LRMDA: variants seen among roughly 807,000 people sequenced by gnomAD.
LRMDA encodes leucine-rich melanocyte differentiation-associated protein.
A neutral mutation model predicts 29.8 loss-of-function variants in LRMDA; 18 were observed. The ratio of observed to expected loss-of-function variants is 0.60; its 90% CI spans 0.42 to 0.90. The LOEUF (loss-of-function observed/expected upper bound fraction) is 0.90, where lower values mean the gene tolerates loss of function less well. Among genes scored for constraint, LRMDA ranks in the 40% least tolerant of loss-of-function variants. LRMDA has a pLI of 0.00. For synonymous variants in LRMDA, 125 were observed against 109.4 expected (o/e 1.14, Z -0.89); for missense variants, 273 against 273.9 (o/e 1.00, Z 0.02).
In LRMDA at chr10:76,201,111, A is replaced by T. The variant is rs11001682; in HGVS notation, c.517-123290A>T. On this transcript the variant is annotated intron_variant, in intron 5 of 6. Transcript: ENST00000611255. The stretch of plus-strand genomic sequence containing the variant: ...TTTATTTATTTATTTATTTATTTAT[A>T]TTTAGACGGAGTTTCGCTCTTGCTG... Among the ~76,000 whole-genome samples, 82 of 68,708 alleles carry T rather than the reference A, an allele frequency of 1.2e-3. 3 individuals are homozygous for T. Among genetic ancestry groups the T allele is most frequent in the African/African-American group, 6.2e-3 (43 of 6,984 alleles). The allele number at this position is 68,708 out of a possible 152,430, so 45.1% of individuals were successfully genotyped here.
chr10:75,621,228 ACACACC>A (rs1564524645), intron 2 of LRMDA, among the ~76,000 whole-genome samples: 30 of 134,282 alleles, frequency 2.2e-4, no homozygotes, highest in African/African-American at 8.0e-4. Context: ...ACACACACCC[ACACACC>A]CACACACACA....
At chr10:76,154,613 TA>T (rs1270004057) in intron 5 of LRMDA, among the ~76,000 whole-genome samples, 1 of 152,182 alleles carries the variant, frequency 6.6e-6, no homozygotes, top group Non-Finnish European at 1.5e-5. Context: ...GTGGTACCAA[TA>T]TTGCCCTTTC....
At chr10:75,634,191 G>A (rs772031123) in intron 2 of LRMDA, among the ~76,000 whole-genome samples, 10 of 152,172 alleles carry the variant, frequency 6.6e-5, no homozygotes, top group Non-Finnish European at 1.3e-4. Flanking sequence ...TTCTTTTGTG[G>A]CCCTATATTA....
intron 6 of LRMDA, among the ~76,000 whole-genome samples, chr10:76,377,250 T>C (rs753035094): frequency 8.5e-5 from 13 of 152,284 alleles, no homozygotes; most frequent in Middle Eastern, 3.4e-3. Context: ...TTATTTATTT[T>C]GTTTTTCTTG....
chr10:75,902,477 C>A (rs1845691456), intron 2 of LRMDA, among the ~76,000 whole-genome samples: 1 of 150,310 alleles, frequency 6.7e-6, no homozygotes, highest in African/African-American at 2.5e-5. Context: ...AAAAGCAGTA[C>A]CGGACATGCA....
intron 2 of LRMDA, among the ~76,000 whole-genome samples, chr10:75,445,235 C>T (rs1844378806): frequency 6.6e-6 from 1 of 152,184 alleles, no homozygotes. Flanking sequence ...CCACCATGCC[C>T]AGCCTGTATC....
At chr10:76,026,662 A>C (rs1564633325) in intron 2 of LRMDA, among the ~76,000 whole-genome samples, 1 of 152,196 alleles carries the variant, frequency 6.6e-6, no homozygotes, top group Non-Finnish European at 1.5e-5. Flanking sequence ...AATGAGGCAT[A>C]GAGTTTAGTG....
intron 2 of LRMDA, chr10:75,882,589 G>T (rs766485296): frequency 6.6e-6 from 1 of 152,176 alleles, no homozygotes; most frequent in Non-Finnish European, 1.5e-5. Flanking sequence ...CTTAATAAAT[G>T]CTTGCTGATG....
At chr10:76,174,409 CAATAATATGTAGA>C (rs541400839) in intron 5 of LRMDA, among the ~76,000 whole-genome samples, 2 of 152,146 alleles carry the variant, frequency 1.3e-5, no homozygotes, top group South Asian at 4.2e-4. Context: ...AAGTCAGATT[CAATAATATGTAGA>C]AATAATAATG....
At chr10:76,295,267 G>C (rs961839587) in intron 5 of LRMDA, among the ~76,000 whole-genome samples, 6 of 152,204 alleles carry the variant, frequency 3.9e-5, no homozygotes, top group African/African-American at 9.6e-5. Flanking sequence ...TTCTGGAAGA[G>C]CTAAGAGCAG....
At chr10:76,026,234 G>A (rs1848060937) in intron 2 of LRMDA, among the ~76,000 whole-genome samples, 1 of 152,220 alleles carries the variant, frequency 6.6e-6, no homozygotes, top group Non-Finnish European at 1.5e-5. Context: ...CACAGTGTTT[G>A]GATAAAGGAT....
At chr10:76,115,311 A>G (rs1473474914) in intron 5 of LRMDA, among the ~76,000 whole-genome samples, 1 of 152,224 alleles carries the variant, frequency 6.6e-6, no homozygotes, top group East Asian at 1.9e-4. Flanking sequence ...ACAAGCACAG[A>G]TGTGCGATTC....
At chr10:76,012,924 G>C (rs1480861274) in intron 2 of LRMDA, among the ~76,000 whole-genome samples, 1 of 152,072 alleles carries the variant, frequency 6.6e-6, no homozygotes, top group African/African-American at 2.4e-5. Flanking sequence ...ACTTGATCTG[G>C]CCAAGTCAGA....
At chr10:76,158,665 G>A (rs778405232) in intron 5 of LRMDA, among the ~76,000 whole-genome samples, 1 of 152,136 alleles carries the variant, frequency 6.6e-6, no homozygotes, top group African/African-American at 2.4e-5. Flanking sequence ...TTGACTTGTT[G>A]AATATCAGAA....
chr10:75,913,973 C>T (rs1037752053), intron 2 of LRMDA, among the ~76,000 whole-genome samples: 3 of 152,208 alleles, frequency 2.0e-5, no homozygotes, highest in Admixed American at 6.5e-5. Flanking sequence ...GCAGCATCAC[C>T]CTCCTTGAGC....
chr10:75,459,073 G>A (rs931694014), intron 2 of LRMDA, among the ~76,000 whole-genome samples: 2 of 151,508 alleles, frequency 1.3e-5, no homozygotes, highest in South Asian at 2.1e-4. Context: ...CAGGCAGTAC[G>A]CAGCAAGATG....
intron 2 of LRMDA, among the ~76,000 whole-genome samples, chr10:75,986,581 G>A (rs776519635): frequency 6.6e-6 from 1 of 152,226 alleles, no homozygotes; most frequent in Non-Finnish European, 1.5e-5. Context: ...CATGACACTA[G>A]TATAGTATTG....
intron 6 of LRMDA, among the ~76,000 whole-genome samples, chr10:76,456,384 G>T (rs1395341218): frequency 6.6e-6 from 1 of 152,188 alleles, no homozygotes; most frequent in East Asian, 1.9e-4. Flanking sequence ...TGGGAGGGCA[G>T]GCCCTGAGCT....
chr10:75,522,551 C>T (rs1184895368), intron 2 of LRMDA, among the ~76,000 whole-genome samples: 1 of 152,156 alleles, frequency 6.6e-6, no homozygotes, highest in Non-Finnish European at 1.5e-5. Flanking sequence ...GTTCAACCTC[C>T]TTGTTTTAAA....
Sources: gnomAD v4.1 joint callset for allele counts (sites outside exome capture counted in the v4.1 genomes callset) on GRCh38, gnomAD v4.1.1 for gene constraint, MANE v1.5 for transcripts, NCBI Gene and HGNC (gene_info 2026-07-23, HGNC 2026-07-21) for gene names.